RNF169: variants seen among roughly 807,000 people sequenced by gnomAD.
RNF169 encodes the protein E3 ubiquitin-protein ligase RNF169.
A neutral mutation model predicts 53.9 loss-of-function variants in RNF169; 24 were observed. That is an observed-to-expected ratio of 0.45 (90% CI 0.32 to 0.63). The LOEUF is 0.63. Among genes scored for constraint, RNF169 ranks in the 20% least tolerant of loss-of-function variants. RNF169 has a pLI of 0.04. For synonymous variants in RNF169, 396 were observed against 363.5 expected (o/e 1.09, Z -1.02); for missense variants, 883 against 906.2 (o/e 0.97, Z 0.33).
Position 74,836,740 on chromosome 11 carries a change from A to T in RNF169, c.*10A>T. The T allele has an allele frequency of 1.3e-6, 2 of 1,585,416 alleles. No homozygotes were observed. Among genetic ancestry groups the T allele is most frequent in the Non-Finnish European group, 1.7e-6 (2 of 1,165,560 alleles). ...GGCCGGGGCCAAGTAGCACCTAATGAAGTGTTACCTATTTTTAAAAGGTCT... is the reference window on the plus strand; with the variant it reads ...GGCCGGGGCCAAGTAGCACCTAATGTAGTGTTACCTATTTTTAAAAGGTCT... On this transcript the variant is annotated 3_prime_UTR_variant, in exon 6 of 6. Transcript: ENST00000299563.
intron 1 of RNF169, among the ~76,000 whole-genome samples, chr11:74,769,832 G>A (rs1452405045): frequency 6.6e-6 from 1 of 152,138 alleles, no homozygotes; most frequent in Non-Finnish European, 1.5e-5. Context: ...GTCTCCCTCT[G>A]ACATCCAGGC....
chr11:74,779,121 A>G (rs544618086), intron 1 of RNF169, among the ~76,000 whole-genome samples: 3 of 152,320 alleles, frequency 2.0e-5, no homozygotes, highest in African/African-American at 7.2e-5. Flanking sequence ...GTTGTTAACA[A>G]TGTTGCAATG....
chr11:74,809,153 C>A (rs77997296), intron 2 of RNF169, among the ~76,000 whole-genome samples: 1,623 of 151,670 alleles, frequency 0.011, 33 homozygotes, highest in African/African-American at 0.035. Flanking sequence ...GAGGCAGCAG[C>A]CTATCAAAAA....
chr11:74,758,652 C>A (rs1228569588), intron 1 of RNF169, among the ~76,000 whole-genome samples: 2 of 152,126 alleles, frequency 1.3e-5, no homozygotes, highest in Non-Finnish European at 2.9e-5. Flanking sequence ...CAGGCGCCCG[C>A]CACTACGCCC....
chr11:74,814,186 G>A (rs189750760), intron 3 of RNF169, among the ~76,000 whole-genome samples: 73 of 151,902 alleles, frequency 4.8e-4, no homozygotes, highest in Non-Finnish European at 4.4e-4. Context: ...GCTGGCCATG[G>A]TGGCACGTGT....
intron 1 of RNF169, among the ~76,000 whole-genome samples, chr11:74,776,452 T>C (rs1317693254): frequency 6.6e-6 from 1 of 150,962 alleles, no homozygotes; most frequent in Non-Finnish European, 1.5e-5. Context: ...AGAAAACGAA[T>C]TCTTTAAAAG....
chr11:74,790,655 A>G (rs1000182458), intron 2 of RNF169, among the ~76,000 whole-genome samples: 6 of 152,168 alleles, frequency 3.9e-5, no homozygotes, highest in Non-Finnish European at 7.4e-5. Flanking sequence ...TGAGCAAGGG[A>G]GCATGGGGTC....
At chr11:74,781,020 T>G (rs539792390) in intron 1 of RNF169, among the ~76,000 whole-genome samples, 1 of 152,342 alleles carries the variant, frequency 6.6e-6, no homozygotes, top group East Asian at 1.9e-4. Flanking sequence ...GGGTGTTTGC[T>G]GATTGTTAAC....
At chr11:74,826,012 G>A (rs1435109954) in intron 4 of RNF169, among the ~76,000 whole-genome samples, 1 of 152,112 alleles carries the variant, frequency 6.6e-6, no homozygotes, top group Non-Finnish European at 1.5e-5. Context: ...TGAATGAAGG[G>A]GGAAGAGGCC....
chr11:74,803,355 G>A (rs2035761285), intron 2 of RNF169, among the ~76,000 whole-genome samples: 1 of 152,158 alleles, frequency 6.6e-6, no homozygotes, highest in African/African-American at 2.4e-5. Flanking sequence ...AAAGTGTTGG[G>A]ATACAGGTAT....
chr11:74,767,007 T>C (rs11236244), intron 1 of RNF169, among the ~76,000 whole-genome samples: 38,403 of 152,108 alleles, frequency 0.25, 5,767 homozygotes, highest in East Asian at 0.54. Context: ...TTTATTTCTT[T>C]TTTTCTATTT....
chr11:74,761,560 T>G (rs1330638994), intron 1 of RNF169, among the ~76,000 whole-genome samples: 1 of 152,018 alleles, frequency 6.6e-6, no homozygotes, highest in Non-Finnish European at 1.5e-5. Flanking sequence ...TTATTTCTCC[T>G]TCACTTATGA....
intron 4 of RNF169, among the ~76,000 whole-genome samples, chr11:74,822,750 A>C (rs571801907): frequency 6.6e-5 from 10 of 152,226 alleles, no homozygotes; most frequent in Non-Finnish European, 1.2e-4. Context: ...TATTTCAAAC[A>C]CTTAGCACAG....
intron 1 of RNF169, among the ~76,000 whole-genome samples, chr11:74,772,472 GTTTT>G (rs35350939): frequency 6.5e-4 from 83 of 128,152 alleles, no homozygotes; most frequent in African/African-American, 1.4e-3. Flanking sequence ...AGGGATGCTG[GTTTT>G]TTTTTTTTTT....
At chr11:74,774,024 A>G (rs2035295056) in intron 1 of RNF169, among the ~76,000 whole-genome samples, 1 of 152,202 alleles carries the variant, frequency 6.6e-6, no homozygotes, top group Non-Finnish European at 1.5e-5. Flanking sequence ...TGAGTAAGAC[A>G]CAAACCTTTG....
At chr11:74,765,896 A>G (rs954748747) in intron 1 of RNF169, among the ~76,000 whole-genome samples, 1 of 152,080 alleles carries the variant, frequency 6.6e-6, no homozygotes, top group African/African-American at 2.4e-5. Flanking sequence ...GATTAACCCC[A>G]AAAGAAGTAG....
chr11:74,786,900 GTA>G (rs1182036452), intron 1 of RNF169, among the ~76,000 whole-genome samples: 2 of 152,118 alleles, frequency 1.3e-5, no homozygotes, highest in African/African-American at 2.4e-5. Context: ...TATCAGTGAA[GTA>G]TTTTGGAGAA....
intron 3 of RNF169, among the ~76,000 whole-genome samples, chr11:74,816,242 T>G (rs930328481): frequency 6.6e-6 from 1 of 152,194 alleles, no homozygotes; most frequent in African/African-American, 2.4e-5. Context: ...CATTAGATAA[T>G]TGGTTAATCA....
At chr11:74,757,159 C>T (rs1056571291) in intron 1 of RNF169, among the ~76,000 whole-genome samples, 1 of 111,702 alleles carries the variant, frequency 9.0e-6, no homozygotes, top group Non-Finnish European at 1.8e-5. Flanking sequence ...CCCCCCACCC[C>T]ACCACAGTCC....
Sources: gnomAD v4.1 joint callset for allele counts (sites outside exome capture counted in the v4.1 genomes callset) on GRCh38, gnomAD v4.1.1 for gene constraint, MANE v1.5 for transcripts, NCBI Gene and HGNC (gene_info 2026-07-23, HGNC 2026-07-21) for gene names.